The following OSMR variants were observed in gnomAD, a reference collection of about 807,000 sequenced individuals.
OSMR encodes the protein oncostatin M receptor, also known as oncostatin-M-specific receptor subunit beta.
A neutral mutation model predicts 99.9 loss-of-function variants in OSMR; 81 were observed. That is an observed-to-expected ratio of 0.81 (90% CI 0.68 to 0.97). The LOEUF (loss-of-function observed/expected upper bound fraction) is 0.97, where lower values mean the gene tolerates loss of function less well. Ranked by LOEUF, OSMR falls within the 50% of genes least tolerant of loss-of-function variation. OSMR has a pLI of 0.00. For missense variants in OSMR, 1,099 were observed against 1,153.4 expected, an observed-to-expected ratio of 0.95 and a Z score of 0.68; for synonymous variants, 406 against 410.4, an observed-to-expected ratio of 0.99 and a Z score of 0.13.
intron 11 of OSMR, chr5:38,919,374 G>T: frequency 2.2e-6 from 3 of 1,337,556 alleles, no homozygotes; most frequent in Non-Finnish European, 2.9e-6. Context: ...CTGAGAGTTG[G>T]AGTTACTATT....
At chr5:38,936,222 C>T (rs1046582916), downstream of OSMR, among the ~76,000 whole-genome samples, 1 of 152,148 alleles carries the variant, frequency 6.6e-6, no homozygotes, top group Non-Finnish European at 1.5e-5. Context: ...CATCCACACC[C>T]CTGTTCGCTT....
chr5:38,915,555 C>G (rs1745844494), intron 9 of OSMR, among the ~76,000 whole-genome samples: 1 of 152,300 alleles, frequency 6.6e-6, no homozygotes, highest in Middle Eastern at 3.4e-3. Flanking sequence ...AAACTAACAA[C>G]TCTATATCAC....
chr5:38,850,315 A>G (rs1740251653), intron 1 of OSMR, among the ~76,000 whole-genome samples: 1 of 152,242 alleles, frequency 6.6e-6, no homozygotes, highest in Admixed American at 6.5e-5. Context: ...TGTAATGAAT[A>G]TGATTGAAAG....
intron 2 of OSMR, among the ~76,000 whole-genome samples, chr5:38,871,920 C>T (rs1316963744): frequency 6.6e-6 from 1 of 151,996 alleles, no homozygotes; most frequent in Non-Finnish European, 1.5e-5. Flanking sequence ...TGTGGATGGT[C>T]AGAGAAACAG....
intron 1 of OSMR, chr5:38,941,880 A>G (rs1747607528): frequency 8.6e-6 from 2 of 233,808 alleles, no homozygotes; most frequent in South Asian, 1.8e-4. Context: ...CCTGCTTTCC[A>G]CAAGTTAGTT....
chr5:38,903,984 T>A lies in OSMR; in HGVS notation c.1094T>A (p.Leu365Ter). ...TCCATAAGGAATAATTTCACATATT[T>A]GTGTCAGATTGAACTCCATGGTGAA... is the stretch of plus-strand genomic sequence containing the variant. ...VHSIRNNFTY[L>*]CQIELHGEGK... is the part of the protein sequence containing the mutation. Residue 365 changes from leucine (L) to a stop codon, truncating the protein, a stop_gained, in exon 8 of 18, where the codon TTG (leucine) becomes TAG (stop). Transcript: ENST00000274276. LOFTEE classifies it high-confidence loss of function. The A allele has an allele frequency of 1.2e-6, 2 of 1,614,108 alleles. No individual in the cohort carries two copies. Among genetic ancestry groups the A allele is most frequent in the East Asian group, 4.5e-5 (2 of 44,858 alleles).
At chr5:38,924,962 C>A in intron 14 of OSMR, 1 of 315,398 alleles carries the variant, frequency 3.2e-6, no homozygotes, top group Non-Finnish European at 4.6e-6. Flanking sequence ...GATTTGTATG[C>A]TTTGGCTGGA....
intron 5 of OSMR, among the ~76,000 whole-genome samples, chr5:38,884,421 G>A (rs184110249): frequency 9.2e-5 from 14 of 152,308 alleles, no homozygotes; most frequent in Admixed American, 2.6e-4. Context: ...ATTACTTCGG[G>A]ATCATGGAGG....
In OSMR at chr5:38,876,244, T is replaced by A. The variant is rs561157075; in HGVS notation, c.117T>A (p.Val39=). Residue 39 remains valine (V), a synonymous_variant, in exon 3 of 18, where the codon GTT becomes GTA. Coordinates refer to ENST00000274276, the MANE Select transcript of OSMR (RefSeq NM_003999.3). Reference sequence around the variant, plus strand: ...CATTGACTCCTGTATCACTTAAAGTTTCCACCAATTCTACGCGTCAGAGTT... The same window carrying A: ...CATTGACTCCTGTATCACTTAAAGTATCCACCAATTCTACGCGTCAGAGTT... ...RLPLTPVSLK[V]STNSTRQSLH... is the part of the protein sequence containing the mutation. The A allele has an allele frequency of 4.3e-5, 70 of 1,613,876 alleles. 1 individual carries two copies. In the South Asian group the frequency reaches 6.4e-4, roughly 15 times the overall value.
chr5:38,934,415 A>G lies in OSMR; in HGVS notation c.*971A>G, dbSNP rs915579977. ...GAAACCTCATTGTTGGACATAATTT[A>G]GATATAACTAAAAAGTTCTATGAAG... On this transcript the variant is annotated 3_prime_UTR_variant, in exon 18 of 18. Transcript: ENST00000274276. 6.6e-6 allele frequency: 1 copy of G among 152,220 alleles called. No homozygotes were observed. Among genetic ancestry groups the G allele is most frequent in the Non-Finnish European group, 1.5e-5 (1 of 68,030 alleles). 9.4% of individuals were successfully genotyped at this position (152,220 alleles called of 1,614,324 possible).
At chr5:38,883,378 C>T (rs1179511502) in intron 4 of OSMR, among the ~76,000 whole-genome samples, 1 of 152,232 alleles carries the variant, frequency 6.6e-6, no homozygotes, top group Non-Finnish European at 1.5e-5. Context: ...GATGCATAGA[C>T]CTTGCCAGTC....
In OSMR at chr5:38,854,716, C is replaced by T. The variant is rs151185916; in HGVS notation, c.-14+8329C>T. ...CAAATACTTACTGAGTAGCAACTGT[C>T]TTCTGGGACTGACAGACAATGGGGA... On this transcript the variant is annotated intron_variant, in intron 1 of 17. Transcript: ENST00000274276. Among the ~76,000 whole-genome samples, 996 of 152,254 alleles carry T rather than the reference C, an allele frequency of 6.5e-3. 20 individuals are homozygous for T. Among genetic ancestry groups the T allele is most frequent in the African/African-American group, 0.023 (965 of 41,534 alleles).
At chr5:38,861,788 G>A (rs1392239184) in intron 1 of OSMR, among the ~76,000 whole-genome samples, 46 of 150,928 alleles carry the variant, frequency 3.0e-4, no homozygotes, top group Non-Finnish European at 5.6e-4. Flanking sequence ...GGCTGGCCGG[G>A]CAGAGGGGCT....
chr5:38,944,856 A>G (rs1747999604), intron 2 of OSMR: 4 of 1,515,788 alleles, frequency 2.6e-6, no homozygotes, highest in Non-Finnish European at 3.6e-6. Flanking sequence ...ACAAAACAAA[A>G]CCAACTAATC....
chr5:38,885,251 C>G lies in OSMR; in HGVS notation c.704-98C>G, dbSNP rs2289924. The G allele has an allele frequency of 0.11, 172,295 of 1,580,722 alleles. 13,326 individuals are homozygous for G. The highest frequency in any genetic ancestry group is 0.4 in the East Asian group (17,343 of 43,708). On this transcript the variant is annotated intron_variant, in intron 5 of 17. Coordinates refer to ENST00000274276, the MANE Select transcript of OSMR (RefSeq NM_003999.3). Reference sequence around the variant, plus strand: ...ACCTCAGTGACCCCTTCCTTGTTCACAGTAACTCTGTGGCTTCAGACTCTA... The same window carrying G: ...ACCTCAGTGACCCCTTCCTTGTTCAGAGTAACTCTGTGGCTTCAGACTCTA...
intron 1 of OSMR, among the ~76,000 whole-genome samples, chr5:38,858,194 C>T (rs926612211): frequency 3.3e-5 from 5 of 152,136 alleles, no homozygotes; most frequent in Non-Finnish European, 7.4e-5. Context: ...CCCTGTGGTG[C>T]TGTAGAACAC....
At chr5:38,890,357 A>T (rs1744073050) in intron 7 of OSMR, among the ~76,000 whole-genome samples, 2 of 152,246 alleles carry the variant, frequency 1.3e-5, no homozygotes, top group Non-Finnish European at 2.9e-5. Context: ...TATGCCAGGC[A>T]GAAATAACTT....
chr5:38,923,616 A>C (rs1746336175), intron 13 of OSMR, among the ~76,000 whole-genome samples: 1 of 152,102 alleles, frequency 6.6e-6, no homozygotes, highest in Admixed American at 6.6e-5. Flanking sequence ...TTCCTTTCAT[A>C]ATTTTTAAGA....
rs1746379800 is a variant in OSMR at position 38,924,480 on chromosome 5, G to T, written c.1929G>T (p.Leu643=). 6.2e-7 allele frequency: 1 copy of T among 1,614,030 alleles called. No homozygotes were observed. Among genetic ancestry groups the T allele is most frequent in the Non-Finnish European group, 8.5e-7 (1 of 1,179,910 alleles). Residue 643 remains leucine (L), a synonymous_variant, in exon 14 of 18, where the codon CTG becomes CTT. Coordinates refer to ENST00000274276, the MANE Select transcript of OSMR (RefSeq NM_003999.3). ...VDTLTSHSFT[L]SWKDYSTESQ... ...CATTGACATCCCACTCCTTCACTCT[G>T]AGTTGGAAAGATTACTCTACTGAAT...
Sources: allele counts gnomAD v4.1 joint callset (sites outside exome capture counted in the v4.1 genomes callset), GRCh38; gene constraint gnomAD v4.1.1; transcripts MANE v1.5; gene names NCBI Gene and HGNC (gene_info 2026-07-23, HGNC 2026-07-21).